Variants in POC5 observed in about 807,000 individuals in gnomAD.
POC5 encodes POC5 centriolar protein, also known as centrosomal protein POC5.
In POC5, 48 loss-of-function variants were observed where a neutral mutation model predicts 62.9. The observed-to-expected ratio is 0.76, with a 90% CI of 0.61 to 0.97. The LOEUF is 0.97. Ranked by LOEUF, POC5 falls within the 50% of genes least tolerant of loss-of-function variation. The probability of loss-of-function intolerance (pLI) is 0.00; values close to 1 mark genes in which losing one functional copy is unlikely to be tolerated. For missense variants in POC5, 696 were observed against 679.5 expected (o/e 1.02, Z -0.27); for synonymous variants, 236 against 228.2 (o/e 1.03, Z -0.31).
At chr5:75,697,678 A>C (rs1349619206) in intron 5 of POC5, among the ~76,000 whole-genome samples, 1 of 152,112 alleles carries the variant, frequency 6.6e-6, no homozygotes, top group African/African-American at 2.4e-5. Flanking sequence ...TAACATCATA[A>C]TGTCATTGAT....
chr5:75,678,421 C>G (rs1775755607), intron 10 of POC5, among the ~76,000 whole-genome samples: 1 of 152,104 alleles, frequency 6.6e-6, no homozygotes, highest in South Asian at 2.1e-4. Context: ...ATACTCATCA[C>G]CACGAAGATC....
intron 5 of POC5, among the ~76,000 whole-genome samples, chr5:75,699,696 T>C (rs879454738): frequency 2.1e-5 from 3 of 144,412 alleles, no homozygotes; most frequent in Admixed American, 1.4e-4. Context: ...CTATTCAACA[T>C]AGTGTTGGAA....
intron 2 of POC5, among the ~76,000 whole-genome samples, chr5:75,708,210 G>A (rs913861775): frequency 5.9e-5 from 9 of 152,146 alleles, no homozygotes; most frequent in South Asian, 2.1e-4. Context: ...TGCTAGGTGT[G>A]GTGGTGTGTG....
At chr5:75,702,295 G>C (rs911248142) in intron 5 of POC5, among the ~76,000 whole-genome samples, 1 of 152,020 alleles carries the variant, frequency 6.6e-6, no homozygotes, top group Middle Eastern at 3.2e-3. Flanking sequence ...AAACCTGCAT[G>C]TTCACCACAT....
chr5:75,697,407 T>C, intron 5 of POC5, among the ~76,000 whole-genome samples: 1 of 152,160 alleles, frequency 6.6e-6, no homozygotes. Context: ...ATATTCAACA[T>C]TCTTAAAGAA....
At chr5:75,690,355 A>G in intron 8 of POC5, 28 bp downstream of exon 8, 1 of 1,569,008 alleles carries the variant, frequency 6.4e-7, no homozygotes, top group African/African-American at 1.4e-5. Flanking sequence ...GTATTAGAAG[A>G]AAGTGAAAAC....
At chr5:75,682,221 G>A (rs565361416) in intron 10 of POC5, among the ~76,000 whole-genome samples, 1 of 152,150 alleles carries the variant, frequency 6.6e-6, no homozygotes, top group African/African-American at 2.4e-5. Context: ...CAAAAAGTTA[G>A]CAATAAAAAG....
In POC5 at chr5:75,689,070, C is replaced by T; in HGVS notation, c.1071G>A (p.Arg357=). 6.2e-7 allele frequency: 1 copy of T among 1,606,528 alleles called. No homozygotes were observed. The highest frequency in any genetic ancestry group is 8.5e-7 in the Non-Finnish European group (1 of 1,176,400). ...CTTCAAGATTTAATGCACATACACC[C>T]CTCATGAAAGCTTTTTTCATGGAAT... ...FEDSMKKAFM[R]GVCALNLEAM... The change falls in exon 9 of 12, where the codon AGG becomes AGA. Residue 357 remains arginine (R), a synonymous_variant. Transcript: ENST00000428202.
chr5:75,687,698 G>C (rs1213416766), intron 9 of POC5, among the ~76,000 whole-genome samples: 1 of 152,190 alleles, frequency 6.6e-6, no homozygotes, highest in Non-Finnish European at 1.5e-5. Flanking sequence ...ATACTCCTAA[G>C]TCAATTCAAA....
chr5:75,685,601 A>T, intron 9 of POC5, 117 bp from the exon 10 acceptor site: 1 of 988,404 alleles, frequency 1.0e-6, no homozygotes, highest in Non-Finnish European at 1.5e-6. Context: ...TTAGATGTTT[A>T]CAGTATATTA....
chr5:75,713,542 C>T (rs1296300260), intron 1 of POC5, among the ~76,000 whole-genome samples: 1 of 152,090 alleles, frequency 6.6e-6, no homozygotes, highest in East Asian at 1.9e-4. Context: ...AAATGAAGTC[C>T]TCATTCTTAA....
intron 5 of POC5, among the ~76,000 whole-genome samples, chr5:75,698,768 T>G (rs1776724634): frequency 6.6e-6 from 1 of 152,106 alleles, no homozygotes. Flanking sequence ...AAAAAATTAA[T>G]GAATCCAGGA....
At chr5:75,702,414 G>C (rs1776925531) in intron 5 of POC5, among the ~76,000 whole-genome samples, 191 bp downstream of exon 5, 1 of 152,178 alleles carries the variant, frequency 6.6e-6, no homozygotes, top group Non-Finnish European at 1.5e-5. Flanking sequence ...TGAAGCTGTA[G>C]TTTAACAGGC....
At chr5:75,685,510 C>A in intron 9 of POC5, 26 bp from the exon 10 acceptor site, 1 of 1,583,516 alleles carries the variant, frequency 6.3e-7, no homozygotes, top group African/African-American at 1.3e-5. Context: ...TAATTCCATT[C>A]AAATTCTTCC....
At chr5:75,706,964 A>T (rs1777147295) in intron 3 of POC5, among the ~76,000 whole-genome samples, 2 of 152,208 alleles carry the variant, frequency 1.3e-5, no homozygotes, top group South Asian at 4.1e-4. Context: ...CAGACACTAG[A>T]GCTATGACTT....
At chr5:75,715,309 C>CAAAAAAAAA (rs922297009) in intron 1 of POC5, among the ~76,000 whole-genome samples, 4 of 59,322 alleles carry the variant, frequency 6.7e-5, no homozygotes, top group African/African-American at 2.5e-4. Flanking sequence ...GACTCCGTCT[C>CAAAAAAAAA]AAAAAAAAAA....
intron 7 of POC5, among the ~76,000 whole-genome samples, chr5:75,691,284 TG>T (rs1261750749): frequency 6.6e-6 from 1 of 152,208 alleles, no homozygotes; most frequent in Admixed American, 6.5e-5. Flanking sequence ...TTTAATCTAC[TG>T]GGATTAATTA....
chr5:75,677,836 T>G lies in POC5; in HGVS notation c.1522A>C (p.Ile508Leu). The change falls in exon 11 of 12, where the codon ATA (isoleucine) becomes CTA (leucine). Residue 508 changes from isoleucine (I) to leucine (L), a missense_variant. Transcript: ENST00000428202. ...CTCATGGGAGGAGAAACTCCCATTA[T>G]AGCTAAACTGCTGCTAATTCTATTT... is the stretch of plus-strand genomic sequence containing the variant. ...SKNRISSSLA[I>L]MGVSPPMSSV... The G allele has an allele frequency of 1.2e-6, 2 of 1,613,100 alleles. No homozygotes were observed. The highest frequency in any genetic ancestry group is 2.2e-5 in the South Asian group (2 of 90,942).
intron 4 of POC5, among the ~76,000 whole-genome samples, chr5:75,703,518 C>T (rs1303828810): frequency 2.0e-5 from 3 of 151,848 alleles, no homozygotes; most frequent in Admixed American, 1.3e-4. Flanking sequence ...CCCAGCTACT[C>T]GGGAAGCTGA....
Sources: gnomAD v4.1 joint callset for allele counts (sites outside exome capture counted in the v4.1 genomes callset) on GRCh38, gnomAD v4.1.1 for gene constraint, MANE v1.5 for transcripts, NCBI Gene and HGNC (gene_info 2026-07-23, HGNC 2026-07-21) for gene names.